FSTL5: variants seen among roughly 807,000 people sequenced by gnomAD.
The protein encoded by FSTL5 is follistatin like 5, also known as follistatin-related protein 5.
In FSTL5, 62 loss-of-function variants were observed where a neutral mutation model predicts 89.1. The ratio of observed to expected loss-of-function variants is 0.70; its 90% CI spans 0.57 to 0.86. The LOEUF is 0.86. FSTL5 is among the 40% of genes least tolerant of loss of function. The pLI is 0.00. For missense variants in FSTL5, 1,057 were observed against 1,001.6 expected (o/e 1.06, Z -0.75); for synonymous variants, 383 against 346.2 (o/e 1.11, Z -1.18).
At chr4:162,113,085 A>C (rs957595456) in intron 1 of FSTL5, among the ~76,000 whole-genome samples, 1 of 152,032 alleles carries the variant, frequency 6.6e-6, no homozygotes, top group Non-Finnish European at 1.5e-5. Flanking sequence ...AGGTTATCTC[A>C]ACATCATCTC....
intron 6 of FSTL5, among the ~76,000 whole-genome samples, chr4:161,725,722 C>T (rs1739374891): frequency 6.6e-6 from 1 of 152,090 alleles, no homozygotes; most frequent in Non-Finnish European, 1.5e-5. Context: ...AGAAAGACCA[C>T]CTCAATTATA....
intron 3 of FSTL5, among the ~76,000 whole-genome samples, chr4:161,985,108 C>A (rs1434075071): frequency 1.3e-5 from 2 of 152,124 alleles, no homozygotes; most frequent in East Asian, 3.9e-4. Flanking sequence ...AGGCGTGTGC[C>A]ACCATGCCCA....
At chr4:161,644,571 G>T (rs572824204) in intron 7 of FSTL5, among the ~76,000 whole-genome samples, 28 of 151,860 alleles carry the variant, frequency 1.8e-4, no homozygotes, top group African/African-American at 6.8e-4. Flanking sequence ...TGGAATCAGA[G>T]AACAGCTTGT....
chr4:161,796,869 G>C (rs1467409125), intron 4 of FSTL5, among the ~76,000 whole-genome samples: 2 of 151,410 alleles, frequency 1.3e-5, no homozygotes. Flanking sequence ...GTCATAAGTT[G>C]AGGAAGTAAA....
intron 7 of FSTL5, among the ~76,000 whole-genome samples, chr4:161,646,697 T>C (rs1736166201): frequency 6.6e-6 from 1 of 152,112 alleles, no homozygotes; most frequent in Non-Finnish European, 1.5e-5. Flanking sequence ...AGTTGTTTAT[T>C]ATCTGTCTGT....
intron 2 of FSTL5, among the ~76,000 whole-genome samples, chr4:162,100,171 T>C (rs1345247249): frequency 1.3e-5 from 2 of 152,236 alleles, no homozygotes; most frequent in African/African-American, 4.8e-5. Context: ...GCAACCAAGA[T>C]GTTCTTCAGT....
At chr4:162,001,515 G>T (rs2111106780) in intron 3 of FSTL5, among the ~76,000 whole-genome samples, 1 of 152,006 alleles carries the variant, frequency 6.6e-6, no homozygotes, top group Middle Eastern at 3.4e-3. Context: ...GTACATGAAG[G>T]GTCTGATAGT....
intron 6 of FSTL5, among the ~76,000 whole-genome samples, chr4:161,715,082 G>A (rs767999779): frequency 4.0e-5 from 6 of 151,890 alleles, no homozygotes; most frequent in Admixed American, 6.6e-5. Context: ...ATTATGAATC[G>A]AGCCAAAATT....
At chr4:161,845,413 T>C (rs1188578942) in intron 4 of FSTL5, among the ~76,000 whole-genome samples, 1 of 152,152 alleles carries the variant, frequency 6.6e-6, no homozygotes, top group Non-Finnish European at 1.5e-5. Flanking sequence ...TCAGAACCAG[T>C]TTACAACCAC....
intron 15 of FSTL5, among the ~76,000 whole-genome samples, chr4:161,416,306 C>T (rs1453441463): frequency 1.3e-5 from 2 of 152,136 alleles, no homozygotes; most frequent in East Asian, 3.9e-4. Context: ...AATGACCTTT[C>T]ATTCAACTTC....
chr4:162,134,308 G>A (rs1732444059), intron 1 of FSTL5, among the ~76,000 whole-genome samples: 1 of 152,160 alleles, frequency 6.6e-6, no homozygotes, highest in Non-Finnish European at 1.5e-5. Context: ...GAGGGACCTA[G>A]AGGTGTACTG....
At chr4:161,673,402 T>C (rs1737187900) in intron 6 of FSTL5, among the ~76,000 whole-genome samples, 1 of 152,050 alleles carries the variant, frequency 6.6e-6, no homozygotes, top group Non-Finnish European at 1.5e-5. Context: ...TCCTGCTCAT[T>C]TGAAGTAATT....
chr4:161,395,641 C>G (rs1329618585), intron 15 of FSTL5, among the ~76,000 whole-genome samples: 1 of 152,040 alleles, frequency 6.6e-6, no homozygotes, highest in Non-Finnish European at 1.5e-5. Context: ...CCATAAAAGA[C>G]AGCCAATAGG....
chr4:161,453,859 G>T, intron 15 of FSTL5, among the ~76,000 whole-genome samples: 1 of 152,110 alleles, frequency 6.6e-6, no homozygotes, highest in East Asian at 1.9e-4. Flanking sequence ...CTCCCACAAT[G>T]CTGGGATTAC....
intron 4 of FSTL5, among the ~76,000 whole-genome samples, chr4:161,888,459 C>T (rs919365499): frequency 4.6e-5 from 7 of 152,098 alleles, no homozygotes; most frequent in African/African-American, 1.2e-4. Context: ...TGTTACATCA[C>T]GACTGAGTTA....
At chr4:161,864,838 C>G (rs181852920) in intron 4 of FSTL5, among the ~76,000 whole-genome samples, 1 of 141,664 alleles carries the variant, frequency 7.1e-6, no homozygotes, top group East Asian at 2.1e-4. Flanking sequence ...TGCCACTGCA[C>G]TCCGGGCTGA....
At chr4:161,735,982 A>G (rs1287702193) in intron 6 of FSTL5, among the ~76,000 whole-genome samples, 4 of 152,164 alleles carry the variant, frequency 2.6e-5, no homozygotes, top group African/African-American at 4.8e-5. Context: ...AAATCAGTGT[A>G]AAGTGAGAGA....
At chr4:161,803,805 G>A (rs181749781) in intron 4 of FSTL5, among the ~76,000 whole-genome samples, 1 of 152,026 alleles carries the variant, frequency 6.6e-6, no homozygotes, top group African/African-American at 2.4e-5. Flanking sequence ...TGTATTATCT[G>A]ATAGTTTCTC....
At chr4:161,952,871 C>T (rs1480381121) in intron 3 of FSTL5, among the ~76,000 whole-genome samples, 1 of 151,638 alleles carries the variant, frequency 6.6e-6, no homozygotes, top group Non-Finnish European at 1.5e-5. Context: ...TAAGAAATAT[C>T]ATTTTATTCT....
Sources: gnomAD v4.1 joint callset for allele counts (sites outside exome capture counted in the v4.1 genomes callset) on GRCh38, gnomAD v4.1.1 for gene constraint, MANE v1.5 for transcripts, NCBI Gene and HGNC (gene_info 2026-07-23, HGNC 2026-07-21) for gene names.